The following NRP1 variants were observed in gnomAD, a reference collection of about 807,000 sequenced individuals.
NRP1 encodes the protein neuropilin-1.
NRP1 carries 35 observed loss-of-function variants against 106.7 expected under a neutral mutation model. The observed-to-expected ratio is 0.33, with a 90% CI of 0.25 to 0.43. The LOEUF (loss-of-function observed/expected upper bound fraction) is 0.43, where lower values mean the gene tolerates loss of function less well. NRP1 is among the 20% of genes least tolerant of loss of function. The pLI is 1.00. For missense variants in NRP1, 1,024 were observed against 1,170.4 expected (o/e 0.87, Z 1.83); for synonymous variants, 437 against 417.9 (o/e 1.05, Z -0.56).
chr10:33,186,352 G>A lies in NRP1; in HGVS notation c.2199C>T (p.Val733=), dbSNP rs1564362436. 1.9e-6 allele frequency: 3 copies of A among 1,614,068 alleles called. No homozygotes were observed. The highest frequency in any genetic ancestry group is 2.5e-6 in the Non-Finnish European group (3 of 1,180,028). Residue 733 remains valine, a synonymous_variant, in exon 14 of 17, where the codon GTC becomes GTT. Transcript: ENST00000374867. The part of the protein sequence containing the change: ...TFWYHMSGSH[V]GTLRVKLRYQ... The stretch of plus-strand genomic sequence containing the variant: ...AGCGCAGTTTGACCCTGAGTGTGCC[G>A]ACGTGGGACCCAGACATGTGATACC...
chr10:33,252,331 T>C (rs1296109580), intron 6 of NRP1, among the ~76,000 whole-genome samples: 2 of 152,166 alleles, frequency 1.3e-5, no homozygotes, highest in Non-Finnish European at 2.9e-5. Context: ...AACCCTGGGA[T>C]ACAGAAATCC....
At chr10:33,184,626 T>C (rs995510416) in intron 15 of NRP1, among the ~76,000 whole-genome samples, 1 of 152,232 alleles carries the variant, frequency 6.6e-6, no homozygotes, top group African/African-American at 2.4e-5. Context: ...AGCCTTATCA[T>C]TCTTGTGAAG....
intron 2 of NRP1, among the ~76,000 whole-genome samples, chr10:33,324,777 A>G (rs1289317734): frequency 6.6e-6 from 1 of 152,150 alleles, no homozygotes; most frequent in Non-Finnish European, 1.5e-5. Flanking sequence ...AGCTGGGACT[A>G]CAGGCGTGCA....
chr10:33,246,013 T>C (rs2133108830), intron 6 of NRP1, among the ~76,000 whole-genome samples: 1 of 152,304 alleles, frequency 6.6e-6, no homozygotes, highest in African/African-American at 2.4e-5. Flanking sequence ...TCAAATATCA[T>C]ACATTTTCTT....
Position 33,213,530 on chromosome 10 carries a change from C to G in NRP1, c.1470G>C (p.Gly490=). The G allele has an allele frequency of 1.2e-6, 2 of 1,614,070 alleles. No homozygotes were observed. Among genetic ancestry groups the G allele is most frequent in the Non-Finnish European group, 1.7e-6 (2 of 1,180,020 alleles). ...TGATGCCCCTCACGATCTTCTCCTC[C>G]CCCAGGTCTATTTGGAGCCACTCAT... ...YINEWLQIDL[G]EEKIVRGIII... The change falls in exon 9 of 17, where the codon GGG becomes GGC. Residue 490 remains glycine (G), a synonymous_variant. Coordinates refer to ENST00000374867, the MANE Select transcript of NRP1 (RefSeq NM_003873.7).
At chr10:33,182,823 T>C in intron 15 of NRP1, 75 bp from the exon 16 acceptor site, 1 of 915,618 alleles carries the variant, frequency 1.1e-6, no homozygotes, top group Non-Finnish European at 1.7e-6. Context: ...ACACAAACCT[T>C]TAGGTACATG....
chr10:33,221,807 T>G lies in NRP1; in HGVS notation c.1194A>C (p.Pro398=). 1 of 1,614,032 alleles carries G rather than the reference T, an allele frequency of 6.2e-7. No homozygotes were observed. Among genetic ancestry groups the G allele is most frequent in the Non-Finnish European group, 8.5e-7 (1 of 1,179,976 alleles). Reference sequence around the variant, plus strand: ...TGATTCGGACAAATCGAGTTATCAGTGGTTTGGGGAATACTGCAACCACAA... The same window carrying G: ...TGATTCGGACAAATCGAGTTATCAGGGGTTTGGGGAATACTGCAACCACAA... ...TDVVVAVFPK[P]LITRFVRIKP... is the part of the protein sequence containing the mutation. The change falls in exon 8 of 17, where the codon CCA becomes CCC. Residue 398 remains proline, a synonymous_variant. Transcript: ENST00000374867.
chr10:33,299,771 G>C (rs988038189), intron 2 of NRP1, among the ~76,000 whole-genome samples: 10 of 152,160 alleles, frequency 6.6e-5, no homozygotes, highest in African/African-American at 1.9e-4. Flanking sequence ...GCATGACAGA[G>C]AGAGACCCCG....
chr10:33,249,622 A>G (rs775830353), intron 6 of NRP1: 5 of 406,856 alleles, frequency 1.2e-5, no homozygotes, highest in African/African-American at 2.1e-5. Context: ...TCTGGGACAC[A>G]GAATAAAGAA....
intron 2 of NRP1, among the ~76,000 whole-genome samples, chr10:33,271,898 C>T (rs2776927): frequency 0.15 from 22,534 of 152,156 alleles, 1,845 homozygotes; most frequent in Non-Finnish European, 0.18. Context: ...GATTCATCTT[C>T]CATTTTTCTT....
chr10:33,261,654 G>C (rs1191369376), intron 4 of NRP1, among the ~76,000 whole-genome samples: 4 of 152,196 alleles, frequency 2.6e-5, no homozygotes, highest in South Asian at 2.1e-4. Context: ...TTCTAATGCT[G>C]TTTACTACTG....
chr10:33,185,801 C>A, intron 14 of NRP1, 77 bp from the exon 15 acceptor site: 1 of 1,210,750 alleles, frequency 8.3e-7, no homozygotes, highest in South Asian at 1.2e-5. Flanking sequence ...TTGTTCAGCT[C>A]CAGCTACGGC....
At chr10:33,285,916 A>G (rs1844496713) in intron 2 of NRP1, among the ~76,000 whole-genome samples, 1 of 152,208 alleles carries the variant, frequency 6.6e-6, no homozygotes, top group South Asian at 2.1e-4. Context: ...GAATCCAGAC[A>G]GGAAGCTCAT....
At chr10:33,207,507 G>A in intron 10 of NRP1, 65 bp downstream of exon 10, 2 of 1,575,062 alleles carry the variant, frequency 1.3e-6, no homozygotes, top group Admixed American at 1.7e-5. Flanking sequence ...CACCATCAGG[G>A]GCATAAATGC....
chr10:33,264,438 A>T (rs1229446551), intron 3 of NRP1, among the ~76,000 whole-genome samples: 1 of 152,194 alleles, frequency 6.6e-6, no homozygotes, highest in Non-Finnish European at 1.5e-5. Context: ...AGTGGTGTTG[A>T]CACAGGTGGG....
intron 2 of NRP1, among the ~76,000 whole-genome samples, chr10:33,313,378 A>G (rs541940495): frequency 3.3e-4 from 50 of 152,306 alleles, no homozygotes; most frequent in African/African-American, 1.2e-3. Flanking sequence ...AAGACCAAAG[A>G]AAGCCCCAGG....
intron 8 of NRP1, among the ~76,000 whole-genome samples, chr10:33,217,340 A>G (rs1838861058): frequency 6.6e-6 from 1 of 152,032 alleles, no homozygotes; most frequent in Admixed American, 6.6e-5. Flanking sequence ...CCATGGTGCA[A>G]AGTGAGACTG....
rs570718934 is a variant in NRP1 at position 33,209,024 on chromosome 10, A to G, written c.1615-1308T>C. Among the ~76,000 whole-genome samples the G allele has an allele frequency of 5.5e-5, 8 of 146,588 alleles. No homozygotes were observed. In the East Asian group the frequency reaches 1.4e-3, roughly 26 times the overall value. ...TGGGCTCAAGTGATTCTCCTGTCTCAGCCTCCTGAGTAGCTGGGATTGCAG... is the reference window on the plus strand; with the variant it reads ...TGGGCTCAAGTGATTCTCCTGTCTCGGCCTCCTGAGTAGCTGGGATTGCAG... On this transcript the variant is annotated intron_variant, in intron 9 of 16. Transcript: ENST00000374867.
At chr10:33,204,484 A>G (rs933535463) in intron 10 of NRP1, among the ~76,000 whole-genome samples, 27 of 152,208 alleles carry the variant, frequency 1.8e-4, no homozygotes, top group African/African-American at 5.5e-4. Context: ...CAAGCCAGAT[A>G]GTTGTCTTTC....
Sources: allele counts gnomAD v4.1 joint callset (sites outside exome capture counted in the v4.1 genomes callset), GRCh38; gene constraint gnomAD v4.1.1; transcripts MANE v1.5; gene names NCBI Gene and HGNC (gene_info 2026-07-23, HGNC 2026-07-21).